Variants in PKN2 observed in about 807,000 individuals in gnomAD.
The protein encoded by PKN2 is serine/threonine-protein kinase N2.
Under a neutral mutation model 119.1 loss-of-function variants are expected in PKN2, and 38 were observed. That is an observed-to-expected ratio of 0.32 (90% CI 0.25 to 0.42). PKN2 has a LOEUF of 0.42. PKN2 is among the 10% of genes least tolerant of loss of function. PKN2 has a pLI of 1.00. For synonymous variants in PKN2, 390 were observed against 384.9 expected (o/e 1.01, Z -0.15); for missense variants, 850 against 1,165.1 (o/e 0.73, Z 3.94).
chr1:88,774,542 G>A (rs1670012808), intron 6 of PKN2, among the ~76,000 whole-genome samples: 1 of 152,046 alleles, frequency 6.6e-6, no homozygotes, highest in Admixed American at 6.5e-5. Flanking sequence ...TTTAGACTTA[G>A]AGGCTGTCTT....
At position 88,821,903 on chromosome 1, in the gene PKN2, A is replaced by C. The variant is rs757819737; in HGVS notation, c.2280-38A>C. On this transcript the variant is annotated intron_variant, in intron 16 of 21. Coordinates refer to ENST00000370521, the MANE Select transcript of PKN2 (RefSeq NM_006256.4). ...ATAAGCTGGGATTCAAGAGCAATAA[A>C]ATTTATTAAACTCCTGTTGATTTAA... 2.3e-5 allele frequency: 34 copies of C among 1,484,204 alleles called. No homozygotes were observed. The South Asian group carries it at 3.6e-4, about 16-fold the overall frequency. 91.9% of individuals were successfully genotyped at this position (1,484,204 alleles called of 1,614,324 possible). A position where few individuals can be genotyped will look rare whatever the true frequency, so the allele number is the denominator to read the frequency against.
At chr1:88,781,967 A>G (rs1670365133) in intron 6 of PKN2, among the ~76,000 whole-genome samples, 1 of 152,138 alleles carries the variant, frequency 6.6e-6, no homozygotes. Flanking sequence ...CCCAACGTTA[A>G]TAGCCTTATT....
At position 88,763,411 on chromosome 1, in the gene PKN2, C is replaced by T. The variant is rs1669526445; in HGVS notation, c.504+3035C>T. On this transcript the variant is annotated intron_variant, in intron 3 of 21. Coordinates refer to ENST00000370521, the MANE Select transcript of PKN2 (RefSeq NM_006256.4). The stretch of plus-strand genomic sequence containing the variant: ...TCAGCTGAGGTCGGGAGTTAGAGAC[C>T]AGCCTGACCAACATGGAGAAATCCT... 2.6e-5 allele frequency among the ~76,000 whole-genome samples: 4 copies of T among 152,060 alleles called. No individual in the cohort carries two copies. In the South Asian group the frequency reaches 8.3e-4, roughly 32 times the overall value.
Position 88,771,557 on chromosome 1 carries a change from A to C in PKN2, c.759A>C (p.Ala253=), listed in dbSNP as rs1449745216. The C allele has an allele frequency of 6.3e-7, 1 of 1,589,214 alleles. No homozygotes were observed. The change falls in exon 5 of 22, where the codon GCA becomes GCC. Residue 253 remains alanine, a synonymous_variant. Transcript: ENST00000370521. ...CAGGAAAAGTAACAGACAGAAAAGC[A>C]CTTTCAGAAGTAATTTTAAATAAAA... ...LGSGKVTDRK[A]LSEAQARFNE... is the part of the protein sequence containing the mutation.
chr1:88,743,720 T>C lies in PKN2; in HGVS notation c.349+2432T>C, dbSNP rs145101536. On this transcript the variant is annotated intron_variant, in intron 2 of 21. Transcript: ENST00000370521. Reference sequence around the variant, plus strand: ...TAGATGCTTACTTGGGAATATTATATCTCAAAATAGAAAAACACCCAGCAA... The same window carrying C: ...TAGATGCTTACTTGGGAATATTATACCTCAAAATAGAAAAACACCCAGCAA... 8.5e-3 allele frequency among the ~76,000 whole-genome samples: 1,292 copies of C among 152,304 alleles called. 20 individuals carry two copies. Among genetic ancestry groups the C allele is most frequent in the African/African-American group, 0.03 (1,236 of 41,556 alleles).
intron 1 of PKN2, among the ~76,000 whole-genome samples, chr1:88,736,207 G>A (rs190327380): frequency 3.9e-5 from 6 of 152,184 alleles, no homozygotes; most frequent in Admixed American, 2.6e-4. Flanking sequence ...TAAATTCCTG[G>A]ATTCTTCCCC....
At chr1:88,730,873 A>G (rs887086853) in intron 1 of PKN2, among the ~76,000 whole-genome samples, 3 of 152,258 alleles carry the variant, frequency 2.0e-5, no homozygotes, top group Non-Finnish European at 4.4e-5. Flanking sequence ...AAGCTTTAGC[A>G]TGATTGCAGT....
At chr1:88,780,614 T>C (rs1422972090) in intron 6 of PKN2, among the ~76,000 whole-genome samples, 2 of 152,198 alleles carry the variant, frequency 1.3e-5, no homozygotes, top group African/African-American at 4.8e-5. Flanking sequence ...CCTTGTCATC[T>C]ACCTACATAT....
At chr1:88,736,199 A>G (rs957320939) in intron 1 of PKN2, among the ~76,000 whole-genome samples, 31 of 152,086 alleles carry the variant, frequency 2.0e-4, no homozygotes, top group African/African-American at 7.5e-4. Context: ...TTCTCTGATA[A>G]ATTCCTGGAT....
intron 2 of PKN2, among the ~76,000 whole-genome samples, chr1:88,753,296 G>C (rs925167686): frequency 6.6e-6 from 1 of 151,982 alleles, no homozygotes; most frequent in East Asian, 1.9e-4. Flanking sequence ...TCTGTTCTTC[G>C]TTATTTCTTT....
Position 88,786,228 on chromosome 1 carries a change from AT to A in PKN2, c.1281+19del. Reference sequence around the variant, plus strand: ...AACTGGACAGGGTAAGAGGACTAACATTTTACTTGAATTTTAATTATAATTC... The same window carrying A: ...AACTGGACAGGGTAAGAGGACTAACATTTACTTGAATTTTAATTATAATTC... On this transcript the variant is annotated intron_variant, in intron 8 of 21. Transcript: ENST00000370521. The A allele has an allele frequency of 8.1e-7, 1 of 1,228,924 alleles. No homozygotes were observed. Among genetic ancestry groups the A allele is most frequent in the Non-Finnish European group, 1.2e-6 (1 of 846,738 alleles). The allele number at this position is 1,228,924 out of a possible 1,614,324, so 76.1% of individuals were successfully genotyped here. A position where few individuals can be genotyped will look rare whatever the true frequency, so the allele number is the denominator to read the frequency against.
intron 1 of PKN2, among the ~76,000 whole-genome samples, chr1:88,705,236 A>G (rs1557551420): frequency 6.6e-6 from 1 of 151,580 alleles, no homozygotes; most frequent in East Asian, 1.9e-4. Context: ...TTGGTTTGGT[A>G]TCCAAGATAA....
intron 7 of PKN2, 84 bp downstream of exon 7, chr1:88,784,908 A>G (rs1483621399): frequency 1.4e-5 from 9 of 659,458 alleles, no homozygotes; most frequent in Admixed American, 3.4e-5. Context: ...GTTGGACAAA[A>G]CACTTTAAAA....
chr1:88,776,515 G>A (rs902625378), intron 6 of PKN2, among the ~76,000 whole-genome samples: 1 of 151,862 alleles, frequency 6.6e-6, no homozygotes, highest in Non-Finnish European at 1.5e-5. Context: ...CGAGACGGGT[G>A]GATCACTTGA....
At chr1:88,831,344 G>T (rs1296679107) in intron 19 of PKN2, among the ~76,000 whole-genome samples, 1 of 151,354 alleles carries the variant, frequency 6.6e-6, no homozygotes, top group African/African-American at 2.4e-5. Flanking sequence ...TCAAGCAGAA[G>T]ACCAAAGTGC....
intron 12 of PKN2, 74 bp downstream of exon 12, chr1:88,806,091 G>A: frequency 7.9e-7 from 1 of 1,260,484 alleles, no homozygotes; most frequent in Non-Finnish European, 1.1e-6. Context: ...AGTGAATAAG[G>A]CGTGTCTTTC....
chr1:88,707,262 C>A (rs1302100120), intron 1 of PKN2, among the ~76,000 whole-genome samples: 1 of 151,986 alleles, frequency 6.6e-6, no homozygotes, highest in East Asian at 1.9e-4. Context: ...CATCTTACTG[C>A]CTACTACGTT....
intron 1 of PKN2, among the ~76,000 whole-genome samples, chr1:88,690,846 CAT>C (rs1239114200): frequency 6.6e-6 from 1 of 152,126 alleles, no homozygotes; most frequent in African/African-American, 2.4e-5. Context: ...TGAAGTGCCT[CAT>C]AAAGATGAGT....
intron 1 of PKN2, 74 bp downstream of exon 1, chr1:88,684,702 G>T (rs1666002186): frequency 7.5e-7 from 1 of 1,329,552 alleles, no homozygotes; most frequent in Non-Finnish European, 9.9e-7. Flanking sequence ...GTCGGGGACC[G>T]AGGAAAGCCC....
Sources: gnomAD v4.1 joint callset for allele counts (sites outside exome capture counted in the v4.1 genomes callset) on GRCh38, gnomAD v4.1.1 for gene constraint, MANE v1.5 for transcripts, NCBI Gene and HGNC (gene_info 2026-07-23, HGNC 2026-07-21) for gene names.